The following GPATCH2 variants were observed in gnomAD, a reference collection of about 807,000 sequenced individuals.
GPATCH2 encodes the protein G-patch domain containing 2.
Under a neutral mutation model 58.0 loss-of-function variants are expected in GPATCH2, and 51 were observed. The ratio of observed to expected loss-of-function variants is 0.88; its 90% confidence interval spans 0.70 to 1.11. The LOEUF (loss-of-function observed/expected upper bound fraction) is 1.11. Among genes scored for constraint, GPATCH2 ranks in the 50% most tolerant of loss-of-function variants. The pLI, the probability that GPATCH2 is intolerant of heterozygous loss-of-function variation, is 0.00. For synonymous variants in GPATCH2, 222 were observed against 218.5 expected, an observed-to-expected ratio of 1.02 and a Z score of -0.14; for missense variants, 625 against 652.2, an observed-to-expected ratio of 0.96 and a Z score of 0.45.
At chr1:217,609,541 G>A (rs1668528732) in intron 5 of GPATCH2, 1 of 978,154 alleles carries the variant, frequency 1.0e-6, no homozygotes, top group Non-Finnish European at 1.2e-6. Context: ...AATACAATGA[G>A]TTTGCAATAC....
chr1:217,464,273 C>G (rs1046204272), intron 8 of GPATCH2, among the ~76,000 whole-genome samples: 2 of 152,116 alleles, frequency 1.3e-5, no homozygotes, highest in African/African-American at 4.8e-5. Flanking sequence ...TTCCCCAAAC[C>G]CTCCCCTTCT....
chr1:217,460,148 C>A (rs771326223), intron 8 of GPATCH2, among the ~76,000 whole-genome samples: 6 of 152,060 alleles, frequency 3.9e-5, no homozygotes, highest in Non-Finnish European at 8.8e-5. Flanking sequence ...ATAATGTAAT[C>A]CTCATAAAAA....
intron 8 of GPATCH2, among the ~76,000 whole-genome samples, chr1:217,456,273 T>G (rs1659938800): frequency 1.3e-5 from 2 of 152,150 alleles, no homozygotes; most frequent in Admixed American, 1.3e-4. Flanking sequence ...TAGATGCTAC[T>G]GTGGGGCCAG....
intron 5 of GPATCH2, among the ~76,000 whole-genome samples, chr1:217,554,090 C>A (rs1046398038): frequency 1.3e-5 from 2 of 152,206 alleles, no homozygotes; most frequent in Non-Finnish European, 2.9e-5. Flanking sequence ...CTAGCTCCAG[C>A]TGATAATGAT....
intron 8 of GPATCH2, among the ~76,000 whole-genome samples, chr1:217,452,346 A>G (rs2102473631): frequency 6.6e-6 from 1 of 152,350 alleles, no homozygotes; most frequent in South Asian, 2.1e-4. Flanking sequence ...TTGATTTCAG[A>G]TACTTTTAAA....
intron 8 of GPATCH2, among the ~76,000 whole-genome samples, chr1:217,477,828 G>C (rs1306833598): frequency 6.6e-6 from 1 of 152,102 alleles, no homozygotes; most frequent in African/African-American, 2.4e-5. Flanking sequence ...CAGGGAGTGT[G>C]GTTACAACAG....
At chr1:217,596,474 T>A (rs1164844997) in intron 5 of GPATCH2, among the ~76,000 whole-genome samples, 1 of 152,184 alleles carries the variant, frequency 6.6e-6, no homozygotes, top group Non-Finnish European at 1.5e-5. Context: ...GGAGATAATA[T>A]TGACCTAATT....
chr1:217,445,125 T>C (rs1313063778), intron 9 of GPATCH2, among the ~76,000 whole-genome samples: 3 of 152,074 alleles, frequency 2.0e-5, no homozygotes, highest in African/African-American at 4.8e-5. Flanking sequence ...TGGAACAATA[T>C]GCATATCAAG....
intron 8 of GPATCH2, among the ~76,000 whole-genome samples, chr1:217,483,876 T>C (rs1011784665): frequency 6.6e-6 from 1 of 152,188 alleles, no homozygotes; most frequent in African/African-American, 2.4e-5. Context: ...TTGATATAAA[T>C]ATTTTATAAG....
At chr1:217,576,773 A>G (rs932658635) in intron 5 of GPATCH2, among the ~76,000 whole-genome samples, 23 of 152,214 alleles carry the variant, frequency 1.5e-4, no homozygotes, top group African/African-American at 4.8e-4. Context: ...AGAGGAAAAA[A>G]AGTCAAGGAG....
intron 5 of GPATCH2, among the ~76,000 whole-genome samples, chr1:217,523,386 T>C (rs947811341): frequency 1.6e-4 from 24 of 151,642 alleles, no homozygotes; most frequent in Non-Finnish European, 4.4e-5. Context: ...TTAACGAGCA[T>C]GCTGCCTTCA....
At chr1:217,539,393 C>G (rs1175321333) in intron 5 of GPATCH2, among the ~76,000 whole-genome samples, 1 of 152,146 alleles carries the variant, frequency 6.6e-6, no homozygotes, top group African/African-American at 2.4e-5. Context: ...TTGAAACAGA[C>G]TGACTATTTG....
At chr1:217,538,197 T>A (rs1462077415) in intron 5 of GPATCH2, among the ~76,000 whole-genome samples, 2 of 152,200 alleles carry the variant, frequency 1.3e-5, no homozygotes, top group Non-Finnish European at 2.9e-5. Flanking sequence ...TCGTTCATGC[T>A]TTTGTGGCAG....
chr1:217,601,517 A>C, intron 5 of GPATCH2, among the ~76,000 whole-genome samples: 1 of 152,252 alleles, frequency 6.6e-6, no homozygotes, highest in Non-Finnish European at 1.5e-5. Context: ...ATCCATACTG[A>C]CATTTAAAAG....
chr1:217,441,170 G>A (rs1328912659), intron 9 of GPATCH2, among the ~76,000 whole-genome samples: 2 of 152,066 alleles, frequency 1.3e-5, no homozygotes, highest in Non-Finnish European at 2.9e-5. Flanking sequence ...ATAGACCAAT[G>A]GAACAGAACA....
At chr1:217,609,883 T>C in intron 5 of GPATCH2, 1 of 952,506 alleles carries the variant, frequency 1.0e-6, no homozygotes. Context: ...GGATTCAATG[T>C]AAAAAAAAAA....
At chr1:217,561,324 T>C (rs1665914130) in intron 5 of GPATCH2, among the ~76,000 whole-genome samples, 1 of 152,196 alleles carries the variant, frequency 6.6e-6, no homozygotes, top group African/African-American at 2.4e-5. Flanking sequence ...GGAGGAGCTC[T>C]GGTGTCACTA....
At chr1:217,505,538 T>C (rs1662508531) in intron 6 of GPATCH2, among the ~76,000 whole-genome samples, 2 of 152,144 alleles carry the variant, frequency 1.3e-5, no homozygotes, top group African/African-American at 4.8e-5. Context: ...TAGGATTTCA[T>C]GGGAAGTCAA....
chr1:217,610,338 C>G lies in GPATCH2; in HGVS notation c.1081G>C (p.Gly361Arg). The G allele has an allele frequency of 6.3e-7, 1 of 1,594,264 alleles. No individual in the cohort carries two copies. ...ATGCCTACCATTGAAGTTGGAGTCC[C>G]TCCAGATTTTTTAATATTCTTTGAA... Reference protein sequence around the residue: ...MSSKNIKKSGGTPTSMVPIPG... With the variant: ...MSSKNIKKSGRTPTSMVPIPG... The change falls in exon 5 of 10, where the codon GGG becomes CGG. Residue 361 changes from glycine (G) to arginine (R), a missense_variant. Coordinates refer to ENST00000366935, the MANE Select transcript of GPATCH2 (RefSeq NM_018040.5).
Sources: allele counts gnomAD v4.1 joint callset (sites outside exome capture counted in the v4.1 genomes callset), GRCh38; gene constraint gnomAD v4.1.1; transcripts MANE v1.5; gene names NCBI Gene and HGNC (gene_info 2026-07-23, HGNC 2026-07-21).